GLB1: variants seen among roughly 807,000 people sequenced by gnomAD.
The protein encoded by GLB1 is beta-galactosidase.
Under a neutral mutation model 74.0 loss-of-function variants are expected in GLB1, and 56 were observed. The ratio of observed to expected loss-of-function variants is 0.76; its 90% CI spans 0.61 to 0.94. GLB1 has a LOEUF of 0.94. Ranked by LOEUF, GLB1 falls within the 40% of genes least tolerant of loss-of-function variation. GLB1 has a pLI of 0.00. For synonymous variants in GLB1, 323 were observed against 323.6 expected, an observed-to-expected ratio of 1.00 and a Z score of 0.02; for missense variants, 787 against 845.5, an observed-to-expected ratio of 0.93 and a Z score of 0.86.
At position 33,097,103 on chromosome 3, in the gene GLB1, C is replaced by A. The variant is rs1346016953; in HGVS notation, c.-18G>T. 1 of 1,611,480 alleles carries A rather than the reference C, an allele frequency of 6.2e-7. No individual in the cohort carries two copies. Among genetic ancestry groups the A allele is most frequent in the Non-Finnish European group, 8.5e-7 (1 of 1,178,704 alleles). ...CCCGGCATGACCACCAGCCTCCCGG[C>A]TCTGCAGTCGGCGCCCAGGCCGGCC... On this transcript the variant is annotated 5_prime_UTR_variant, in exon 1 of 16. Coordinates refer to ENST00000307363, the MANE Select transcript of GLB1 (RefSeq NM_000404.4).
At chr3:33,042,876 A>T (rs1456160082) in intron 10 of GLB1, among the ~76,000 whole-genome samples, 1 of 152,218 alleles carries the variant, frequency 6.6e-6, no homozygotes, top group Non-Finnish European at 1.5e-5. Flanking sequence ...ACAGCCACCA[A>T]GCACCTAAAA....
the GLB1 span, among the ~76,000 whole-genome samples, chr3:32,972,908 T>C: frequency 4.6e-5 from 7 of 152,238 alleles, no homozygotes; most frequent in African/African-American, 7.2e-5. Context: ...TTACCAGGCA[T>C]TGTGAAGACC....
chr3:33,013,234 C>T (rs1001557409), intron 15 of GLB1, among the ~76,000 whole-genome samples: 5 of 152,342 alleles, frequency 3.3e-5, no homozygotes, highest in African/African-American at 1.2e-4. Context: ...GCATCACTAT[C>T]TTAGGGAAGG....
At chr3:33,065,987 A>AAG (rs1699663183) in intron 4 of GLB1, among the ~76,000 whole-genome samples, 1 of 150,900 alleles carries the variant, frequency 6.6e-6, no homozygotes, top group Non-Finnish European at 1.5e-5. Flanking sequence ...AAAAAAAAAA[A>AAG]ATTATGATTT....
Position 33,093,366 on chromosome 3 carries a change from T to C in GLB1, c.75+3645A>G, listed in dbSNP as rs2125585332. On this transcript the variant is annotated intron_variant, in intron 1 of 15. Transcript: ENST00000307363. The surrounding 1 kb of genome is among the most constrained non-coding windows in gnomAD (Gnocchi z 6.0). The stretch of plus-strand genomic sequence containing the variant: ...GACATCTGACGTGTAGTACTCATGA[T>C]TGCCTGTGACGAAGTAGGCACCGAG... The C allele has an allele frequency of 2.5e-6, 4 of 1,614,182 alleles. No homozygotes were observed. Among genetic ancestry groups the C allele is most frequent in the East Asian group, 4.5e-5 (2 of 44,884 alleles).
At chr3:33,046,326 A>G in intron 9 of GLB1, 94 bp from the exon 10 acceptor site, 9 of 1,446,568 alleles carry the variant, frequency 6.2e-6, no homozygotes, top group Non-Finnish European at 8.6e-6. Context: ...TAGAGAGAGA[A>G]AACTAGAAGA....
the GLB1 span, among the ~76,000 whole-genome samples, chr3:32,963,738 T>G: frequency 0.6 from 90,858 of 152,060 alleles, 28,041 homozygotes; most frequent in African/African-American, 0.77. Flanking sequence ...TGAAAACCTG[T>G]AAGTATAAAC....
chr3:33,048,738 C>G (rs557718247), intron 9 of GLB1, among the ~76,000 whole-genome samples: 2 of 152,256 alleles, frequency 1.3e-5, no homozygotes, highest in East Asian at 3.9e-4. Flanking sequence ...GGGGCTGGCT[C>G]AGGGGCTCCA....
At chr3:32,983,866 G>A in the GLB1 span, among the ~76,000 whole-genome samples, 15,649 of 145,372 alleles carry the variant, frequency 0.11, 969 homozygotes, top group African/African-American at 0.19. Flanking sequence ...TTTTTTTTTT[G>A]TAGAGACAGG....
In GLB1 at chr3:33,093,706, G is replaced by A. The variant is rs781708328; in HGVS notation, c.75+3305C>T. ...ACTCCCACTGCCAGGGCAGGCCTGA[G>A]CACGAGCTTCCTTGTCTTCTCAAGG... is the stretch of plus-strand genomic sequence containing the variant. On this transcript the variant is annotated intron_variant, in intron 1 of 15. Coordinates refer to ENST00000307363, the MANE Select transcript of GLB1 (RefSeq NM_000404.4). The surrounding 1 kb of genome is among the most constrained non-coding windows in gnomAD (Gnocchi z 6.0). 7 of 1,614,056 alleles carry A rather than the reference G, an allele frequency of 4.3e-6. No individual in the cohort carries two copies. The South Asian group carries it at 6.6e-5, about 15-fold the overall frequency.
At chr3:33,063,999 A>G (rs1284131642) in intron 5 of GLB1, among the ~76,000 whole-genome samples, 1 of 151,936 alleles carries the variant, frequency 6.6e-6, no homozygotes, top group Non-Finnish European at 1.5e-5. Flanking sequence ...CTCCCACCCT[A>G]CTATGATCCA....
chr3:33,071,814 G>C (rs1452032185), intron 2 of GLB1, among the ~76,000 whole-genome samples: 1 of 151,996 alleles, frequency 6.6e-6, no homozygotes, highest in Non-Finnish European at 1.5e-5. Flanking sequence ...ACCTAGAAAG[G>C]TCACCTCTCC....
At chr3:33,008,832 C>T (rs1430003663) in intron 15 of GLB1, among the ~76,000 whole-genome samples, 3 of 152,244 alleles carry the variant, frequency 2.0e-5, no homozygotes, top group South Asian at 2.1e-4. Flanking sequence ...AAAAAAAGAT[C>T]GTGGTGGCCG....
At chr3:32,976,810 G>A in the GLB1 span, among the ~76,000 whole-genome samples, 3 of 152,072 alleles carry the variant, frequency 2.0e-5, no homozygotes, top group Non-Finnish European at 4.4e-5. Flanking sequence ...AGGTGGGGGT[G>A]GACAAAGAAG....
intron 10 of GLB1, among the ~76,000 whole-genome samples, chr3:33,025,235 G>A (rs1368076198): frequency 2.0e-5 from 3 of 152,236 alleles, no homozygotes; most frequent in East Asian, 1.9e-4. Flanking sequence ...GTGAGCCAGC[G>A]CGCCTGGCCA....
intron 6 of GLB1, among the ~76,000 whole-genome samples, chr3:33,057,019 C>T (rs1699251280): frequency 6.6e-6 from 1 of 152,170 alleles, no homozygotes; most frequent in African/African-American, 2.4e-5. Flanking sequence ...AATCTCATGT[C>T]GAACTATAAT....
At chr3:32,981,296 G>A in the GLB1 span, among the ~76,000 whole-genome samples, 18 of 150,404 alleles carry the variant, frequency 1.2e-4, 1 homozygote, top group African/African-American at 2.7e-4. Context: ...CCAGCTACTC[G>A]GGAGGCTGAG....
chr3:33,055,466 T>C (rs1304255532), intron 6 of GLB1, among the ~76,000 whole-genome samples: 12 of 149,366 alleles, frequency 8.0e-5, no homozygotes, highest in Admixed American at 2.7e-4. Flanking sequence ...TTTTCTTTTT[T>C]TTTTTTTTTT....
chr3:33,027,199 T>C (rs946295801), intron 10 of GLB1, among the ~76,000 whole-genome samples: 2 of 152,252 alleles, frequency 1.3e-5, no homozygotes, highest in South Asian at 4.1e-4. Context: ...CCAGAGAAGC[T>C]GTCTGCAGTG....
Sources: allele counts gnomAD v4.1 joint callset (sites outside exome capture counted in the v4.1 genomes callset), GRCh38; gene constraint gnomAD v4.1.1; non-coding constraint Gnocchi (gnomAD v3.1); transcripts MANE v1.5; gene names NCBI Gene and HGNC (gene_info 2026-07-23, HGNC 2026-07-21).